ZRANB3: variants seen among roughly 807,000 people sequenced by gnomAD.
The protein encoded by ZRANB3 is DNA annealing helicase and endonuclease ZRANB3.
In ZRANB3, 125 loss-of-function variants were observed where a neutral mutation model predicts 133.8. The ratio of observed to expected loss-of-function variants is 0.93; its 90% CI spans 0.81 to 1.08. The LOEUF (loss-of-function observed/expected upper bound fraction) is 1.08, where lower values mean the gene tolerates loss of function less well. Among genes scored for constraint, ZRANB3 ranks in the 50% least tolerant of loss-of-function variants. ZRANB3 has a pLI of 0.00. For synonymous variants in ZRANB3, 387 were observed against 432.7 expected (o/e 0.89, Z 1.31); for missense variants, 1,229 against 1,275.5 (o/e 0.96, Z 0.56).
rs147100037 is a variant in ZRANB3, at chr2:135,498,008, G to A, written c.161+6321C>T. Among the ~76,000 whole-genome samples, 1,034 of 151,828 alleles carry A rather than the reference G, an allele frequency of 6.8e-3. 10 individuals carry two copies. The highest frequency in any genetic ancestry group is 0.024 in the African/African-American group (978 of 41,404). On this transcript the variant is annotated intron_variant, in intron 2 of 20. Transcript: ENST00000264159. Reference sequence around the variant, plus strand: ...GCAGAGGTTGCAGTGAGCCAAGATGGTGCCACTGTACTCCAGCCTGGGCGA... The same window carrying A: ...GCAGAGGTTGCAGTGAGCCAAGATGATGCCACTGTACTCCAGCCTGGGCGA...
rs1347700035 is a variant in ZRANB3 at position 135,355,549 on chromosome 2, G to T, written c.181-1921C>A. 2.0e-5 allele frequency among the ~76,000 whole-genome samples: 3 copies of T among 152,080 alleles called. No individual in the cohort carries two copies. In the East Asian group the frequency reaches 5.8e-4, roughly 30 times the overall value. ...ATTTTATATTTTTAGCAGAGACGGG[G>T]TTTCTCCATGTTGGTCAGGCTGGTC... On this transcript the variant is annotated intron_variant, in intron 3 of 20. Coordinates refer to ENST00000264159, the MANE Select transcript of ZRANB3 (RefSeq NM_032143.4).
intron 2 of ZRANB3, among the ~76,000 whole-genome samples, chr2:135,473,246 A>G (rs1264363600): frequency 6.6e-6 from 1 of 152,238 alleles, no homozygotes; most frequent in Non-Finnish European, 1.5e-5. Flanking sequence ...ATGAAATCAT[A>G]TAATATTTGT....
chr2:135,338,518 C>T (rs1018205566), intron 6 of ZRANB3, among the ~76,000 whole-genome samples: 3 of 152,218 alleles, frequency 2.0e-5, no homozygotes, highest in African/African-American at 7.2e-5. Flanking sequence ...GGGTCAGGGG[C>T]ATCAGAGGCT....
intron 8 of ZRANB3, among the ~76,000 whole-genome samples, chr2:135,292,982 G>C (rs1681839840): frequency 6.6e-6 from 1 of 152,198 alleles, no homozygotes; most frequent in East Asian, 1.9e-4. Flanking sequence ...GTACCATGCT[G>C]TTTTGGTTAC....
intron 12 of ZRANB3, among the ~76,000 whole-genome samples, chr2:135,263,121 A>G (rs1680044682): frequency 6.6e-6 from 1 of 152,152 alleles, no homozygotes; most frequent in Non-Finnish European, 1.5e-5. Context: ...TCTCTCCCAG[A>G]GGTAACCAAT....
chr2:135,472,223 G>A (rs545132103), intron 2 of ZRANB3, among the ~76,000 whole-genome samples: 51 of 152,150 alleles, frequency 3.4e-4, no homozygotes, highest in African/African-American at 1.2e-3. Context: ...AGATGTGGCC[G>A]GGCACGGTGG....
intron 12 of ZRANB3, among the ~76,000 whole-genome samples, chr2:135,260,566 AATATATATTCAAGTAT>A (rs1220006204): frequency 5.3e-5 from 8 of 149,602 alleles, no homozygotes; most frequent in East Asian, 3.9e-4. Flanking sequence ...ATACTTGAAT[AATATATATTCAAGTAT>A]ATATATATTC....
intron 8 of ZRANB3, among the ~76,000 whole-genome samples, chr2:135,289,342 G>C (rs1182502796): frequency 6.6e-6 from 1 of 151,976 alleles, no homozygotes; most frequent in Non-Finnish European, 1.5e-5. Flanking sequence ...TGCAGCCTCT[G>C]CCGCCCAGGT....
chr2:135,427,603 T>C (rs1362044865), intron 2 of ZRANB3, among the ~76,000 whole-genome samples: 1 of 152,188 alleles, frequency 6.6e-6, no homozygotes, highest in African/African-American at 2.4e-5. Context: ...GATGAATCAA[T>C]ATTGTAAAAC....
intron 2 of ZRANB3, among the ~76,000 whole-genome samples, chr2:135,445,368 C>G (rs999294671): frequency 1.3e-5 from 2 of 150,162 alleles, no homozygotes; most frequent in Admixed American, 6.6e-5. Flanking sequence ...CGCTTGAACT[C>G]GGGAGGTGGA....
At chr2:135,526,463 C>T (rs1694166959) in intron 1 of ZRANB3, among the ~76,000 whole-genome samples, 1 of 152,144 alleles carries the variant, frequency 6.6e-6, no homozygotes, top group African/African-American at 2.4e-5. Flanking sequence ...TGAGCCCAAC[C>T]TGATTTTTTT....
Position 135,440,480 on chromosome 2 carries a change from C to T in ZRANB3, c.162-49660G>A, listed in dbSNP as rs896246272. ...AACTCTTACATTGCTCAACAGTCAA[C>T]TGTGCAAGAAGGATGCTATATGCTA... On this transcript the variant is annotated intron_variant, in intron 2 of 20. Transcript: ENST00000264159. Among the ~76,000 whole-genome samples the T allele has an allele frequency of 1.1e-4, 17 of 151,858 alleles. No homozygotes were observed. In the Middle Eastern group the frequency reaches 9.7e-3, roughly 86 times the overall value.
At chr2:135,513,566 G>C (rs948857367) in intron 1 of ZRANB3, among the ~76,000 whole-genome samples, 1 of 152,018 alleles carries the variant, frequency 6.6e-6, no homozygotes, top group African/African-American at 2.4e-5. Context: ...ACTTAAAATG[G>C]ATCAAAGATT....
rs1474302740 is a variant in ZRANB3, at chr2:135,268,990, G to T, written c.1358C>A (p.Thr453Asn). Residue 453 changes from threonine (T) to asparagine (N), a missense_variant, in exon 11 of 21, where the codon ACC (threonine) becomes AAC (asparagine). By Grantham distance (65) the Thr-to-Asn change is moderately conservative (BLOSUM62 0). Transcript: ENST00000264159. ...GCGATTCAACATTCCCCACATAAGG[G>T]TGTCTAGGGTTCCATTTGCAATAAG... ...HYLIANGTLDTLMWGMLNRKA... is the reference protein window; with the variant it reads ...HYLIANGTLDNLMWGMLNRKA... 4 of 1,608,366 alleles carry T rather than the reference G, an allele frequency of 2.5e-6. No homozygotes were observed. In the South Asian group the frequency reaches 3.4e-5, roughly 13 times the overall value.
intron 8 of ZRANB3, among the ~76,000 whole-genome samples, chr2:135,278,771 G>A (rs1449490010): frequency 1.3e-5 from 2 of 152,074 alleles, no homozygotes; most frequent in South Asian, 2.1e-4. Flanking sequence ...GGAAGAAAAC[G>A]TATCCATAGC....
At chr2:135,214,143 G>C (rs989629748) in intron 17 of ZRANB3, among the ~76,000 whole-genome samples, 1 of 152,206 alleles carries the variant, frequency 6.6e-6, no homozygotes, top group African/African-American at 2.4e-5. Context: ...AGCATTACTA[G>C]AAAACTAGTA....
chr2:135,392,358 G>GAA (rs1687276967), intron 2 of ZRANB3, among the ~76,000 whole-genome samples: 1 of 120,314 alleles, frequency 8.3e-6, no homozygotes, highest in Non-Finnish European at 1.7e-5. Context: ...AAAAAAAAGG[G>GAA]GGGGGGGGCA....
intron 2 of ZRANB3, among the ~76,000 whole-genome samples, chr2:135,420,084 C>A (rs1301104896): frequency 2.0e-5 from 2 of 101,236 alleles, no homozygotes; most frequent in African/African-American, 7.9e-5. Flanking sequence ...ATATATATAT[C>A]TTAGATTTAT....
intron 6 of ZRANB3, 135 bp downstream of exon 6, chr2:135,345,415 C>A: frequency 1.7e-6 from 1 of 598,736 alleles, no homozygotes; most frequent in South Asian, 2.2e-5. Flanking sequence ...TTGTAGTGAG[C>A]CATGATGGTG....
Sources: allele counts gnomAD v4.1 joint callset (sites outside exome capture counted in the v4.1 genomes callset), GRCh38; gene constraint gnomAD v4.1.1; transcripts MANE v1.5; gene names NCBI Gene and HGNC (gene_info 2026-07-23, HGNC 2026-07-21).